Variants in FMN1 observed in about 807,000 individuals in gnomAD.
FMN1 encodes the protein formin 1.
FMN1 carries 110 observed loss-of-function variants against 132.4 expected under a neutral mutation model. The ratio of observed to expected loss-of-function variants is 0.83; its 90% CI spans 0.71 to 0.97. The LOEUF (loss-of-function observed/expected upper bound fraction) is 0.97. FMN1 is among the 50% of genes least tolerant of loss of function. The pLI is 0.00. For missense variants in FMN1, 1,792 were observed against 1,705.3 expected, an observed-to-expected ratio of 1.05 and a Z score of -0.90; for synonymous variants, 722 against 651.7, an observed-to-expected ratio of 1.11 and a Z score of -1.64.
At chr15:33,028,256 C>G (rs1187734853) in intron 6 of FMN1, among the ~76,000 whole-genome samples, 1 of 152,132 alleles carries the variant, frequency 6.6e-6, no homozygotes, top group Non-Finnish European at 1.5e-5. Flanking sequence ...TGTAAGTTAT[C>G]CCCAAACAGT....
At chr15:33,140,240 T>G (rs1963953243) in intron 4 of FMN1, among the ~76,000 whole-genome samples, 1 of 117,040 alleles carries the variant, frequency 8.5e-6, no homozygotes, top group Admixed American at 8.6e-5. Flanking sequence ...ACACACAGCT[T>G]ATCCGTTTAT....
chr15:32,907,645 T>C (rs79295303), intron 12 of FMN1, among the ~76,000 whole-genome samples: 1,761 of 152,284 alleles, frequency 0.012, 43 homozygotes, highest in Non-Finnish European at 0.012. Context: ...AACCCTGATC[T>C]GATAGCTCCA....
intron 19 of FMN1, among the ~76,000 whole-genome samples, chr15:32,793,694 CAATT>C (rs1437899196): frequency 5.9e-5 from 9 of 152,166 alleles, no homozygotes; most frequent in African/African-American, 4.8e-5. Flanking sequence ...AAAGTTTTGA[CAATT>C]AATTAGGGGG....
intron 2 of FMN1, among the ~76,000 whole-genome samples, chr15:33,181,000 C>T (rs1595608180): frequency 6.6e-6 from 1 of 152,166 alleles, no homozygotes; most frequent in East Asian, 1.9e-4. Context: ...ATCCATCACC[C>T]TTGGCCTCCC....
intron 19 of FMN1, among the ~76,000 whole-genome samples, chr15:32,777,514 T>C (rs1050486513): frequency 9.3e-6 from 1 of 108,104 alleles, no homozygotes; most frequent in Non-Finnish European, 2.0e-5. Flanking sequence ...ATATAACACA[T>C]TTATATATTA....
chr15:33,035,797 T>C (rs768773683), intron 6 of FMN1, among the ~76,000 whole-genome samples: 2 of 152,214 alleles, frequency 1.3e-5, no homozygotes, highest in African/African-American at 2.4e-5. Context: ...TGTTAAAACA[T>C]AGCCCACAAT....
At chr15:33,087,555 G>GAAC (rs1337407657) in intron 5 of FMN1, among the ~76,000 whole-genome samples, 4 of 151,928 alleles carry the variant, frequency 2.6e-5, no homozygotes, top group Non-Finnish European at 5.9e-5. Flanking sequence ...CAAAAAAACA[G>GAAC]AACAACAACA....
chr15:32,842,258 T>C (rs114416432), intron 17 of FMN1, among the ~76,000 whole-genome samples: 1 of 152,204 alleles, frequency 6.6e-6, no homozygotes, highest in South Asian at 2.1e-4. Context: ...GCAAGCCATG[T>C]GGAGTGACTG....
chr15:32,830,436 T>C (rs2058472286), intron 17 of FMN1, among the ~76,000 whole-genome samples: 1 of 152,222 alleles, frequency 6.6e-6, no homozygotes, highest in African/African-American at 2.4e-5. Flanking sequence ...TTTTCCTTTT[T>C]GAGTCCTGTT....
intron 6 of FMN1, among the ~76,000 whole-genome samples, chr15:33,021,281 G>C (rs1012662791): frequency 6.6e-6 from 1 of 152,198 alleles, no homozygotes; most frequent in Non-Finnish European, 1.5e-5. Flanking sequence ...GTTACCGAAA[G>C]CTGCTGAATT....
At chr15:32,902,170 A>T (rs1461693226) in intron 12 of FMN1, 130 bp from the exon 13 acceptor site, 1 of 757,738 alleles carries the variant, frequency 1.3e-6, no homozygotes, top group Non-Finnish European at 2.0e-6. Flanking sequence ...GGTGTCACAT[A>T]GGTAGACTCA....
intron 9 of FMN1, among the ~76,000 whole-genome samples, chr15:32,928,585 G>T (rs896386899): frequency 1.3e-5 from 2 of 152,136 alleles, no homozygotes; most frequent in Non-Finnish European, 2.9e-5. Context: ...AGTCAAAAAG[G>T]CAAATAAAAG....
At chr15:33,019,120 ATTTTACAGAGAGCTGATTGGTCTG>A (rs1052570040) in intron 6 of FMN1, among the ~76,000 whole-genome samples, 39 of 152,202 alleles carry the variant, frequency 2.6e-4, no homozygotes, top group East Asian at 1.4e-3. Flanking sequence ...TCATTGGTCC[ATTTTACAGAGAGCTGATTGGTCTG>A]TTTTACAGAG....
chr15:33,106,928 A>G (rs926310657), intron 4 of FMN1, among the ~76,000 whole-genome samples: 2 of 152,004 alleles, frequency 1.3e-5, no homozygotes, highest in Non-Finnish European at 2.9e-5. Flanking sequence ...TCAGTTTTAA[A>G]TATCATCTCA....
At position 32,967,724 on chromosome 15, in the gene FMN1, G is replaced by A. The variant is rs559635547; in HGVS notation, c.2987+990C>T. Among the ~76,000 whole-genome samples, 6 of 152,310 alleles carry A rather than the reference G, an allele frequency of 3.9e-5. No homozygotes were observed. The East Asian group carries it at 7.7e-4, about 20-fold the overall frequency. ...TATGAAGCACATATGCTTAGTTTTA[G>A]GGTATTCCCCACTCCTCCACAGGGA... On this transcript the variant is annotated intron_variant, in intron 8 of 20. Coordinates refer to ENST00000616417, the MANE Select transcript of FMN1 (RefSeq NM_001277313.2).
rs71424680 is a variant in FMN1, at chr15:32,908,603, CAAA to C, written c.3289-28_3289-26del. ...TCTGTATCAAAATAGAAAACAAAAC[CAAA>C]AAAAAAAAAAAAAAAAAGGGAAGTG... On this transcript the variant is annotated intron_variant, in intron 11 of 20. Coordinates refer to ENST00000616417, the MANE Select transcript of FMN1 (RefSeq NM_001277313.2). The C allele has an allele frequency of 0.23, 135,993 of 589,234 alleles. 4,411 individuals are homozygous for C. The highest frequency in any genetic ancestry group is 0.26 in the Non-Finnish European group (101,084 of 385,598). 36.5% of individuals were successfully genotyped at this position (589,234 alleles called of 1,614,324 possible).
At chr15:32,806,713 A>G (rs1041192926) in intron 17 of FMN1, among the ~76,000 whole-genome samples, 1 of 152,182 alleles carries the variant, frequency 6.6e-6, no homozygotes, top group South Asian at 2.1e-4. Flanking sequence ...GAGCGTGCAC[A>G]TTGGAGGATC....
At chr15:33,028,892 T>C (rs573040208) in intron 6 of FMN1, among the ~76,000 whole-genome samples, 1 of 152,322 alleles carries the variant, frequency 6.6e-6, no homozygotes, top group African/African-American at 2.4e-5. Context: ...GATCCGACGC[T>C]AGTCCAAACA....
At chr15:33,057,647 TA>T (rs372096359) in intron 6 of FMN1, among the ~76,000 whole-genome samples, 118 of 152,256 alleles carry the variant, frequency 7.8e-4, no homozygotes, top group African/African-American at 2.7e-3. Context: ...ATGTCAAACT[TA>T]ATTATTTCTT....
Sources: allele counts gnomAD v4.1 joint callset (sites outside exome capture counted in the v4.1 genomes callset), GRCh38; gene constraint gnomAD v4.1.1; transcripts MANE v1.5; gene names NCBI Gene and HGNC (gene_info 2026-07-23, HGNC 2026-07-21).